Variants in SBK1 observed in about 807,000 individuals in gnomAD.
The protein encoded by SBK1 is serine/threonine-protein kinase SBK1.
In SBK1, 11 loss-of-function variants were observed where a neutral mutation model predicts 24.4. The observed-to-expected ratio is 0.45, with a 90% CI of 0.28 to 0.75. The LOEUF (loss-of-function observed/expected upper bound fraction) is 0.75. Among genes scored for constraint, SBK1 ranks in the 30% least tolerant of loss-of-function variants. The pLI is 0.12. For missense variants in SBK1, 467 were observed against 620.5 expected (o/e 0.75, Z 2.63); for synonymous variants, 308 against 284.4 (o/e 1.08, Z -0.83).
chr16:28,310,626 T>A (rs996307653), intron 1 of SBK1, among the ~76,000 whole-genome samples: 1 of 152,150 alleles, frequency 6.6e-6, no homozygotes, highest in Non-Finnish European at 1.5e-5. Flanking sequence ...GGAGGACTAC[T>A]TGAGGCCAAG....
chr16:28,263,310 T>C (rs2044408525), intron 1 of SBK1, among the ~76,000 whole-genome samples: 1 of 152,054 alleles, frequency 6.6e-6, no homozygotes, highest in Admixed American at 6.6e-5. Context: ...AGTGAACAAA[T>C]AAACAAATCG....
chr16:28,319,035 C>G lies in SBK1; in HGVS notation c.267C>G (p.Thr89=), dbSNP rs1481795043. 2 of 1,614,138 alleles carry G rather than the reference C, an allele frequency of 1.2e-6. No individual in the cohort carries two copies. The highest frequency in any genetic ancestry group is 2.2e-5 in the South Asian group (2 of 91,082). The stretch of plus-strand genomic sequence containing the variant: ...TGAAGTTTGTGAACAAGAGCAAAAC[C>G]AAGCTGAAGAACTTCCTACGGGAGG... ...MALKFVNKSK[T]KLKNFLREVS... is the part of the protein sequence containing the mutation. The change falls in exon 3 of 4, where the codon ACC becomes ACG. Residue 89 remains threonine, a synonymous_variant. Coordinates refer to ENST00000341901, the MANE Select transcript of SBK1 (RefSeq NM_001024401.3). This position sits in a 1 kb window ranked among gnomAD's most constrained non-coding sequence, Gnocchi z 4.0.
At chr16:28,292,381 G>T (rs866362590), upstream of SBK1, 1,735 of 236,532 alleles carry the variant, frequency 7.3e-3, 28 homozygotes, top group African/African-American at 0.035. Context: ...CGCGGCGGGA[G>T]GGCGGGCGCG....
intron 1 of SBK1, among the ~76,000 whole-genome samples, chr16:28,282,264 A>C (rs529961656): frequency 6.6e-6 from 1 of 152,184 alleles, no homozygotes; most frequent in South Asian, 2.1e-4. Flanking sequence ...GGAGTTGAGG[A>C]GTGCAAGATC....
rs1388229303 is a variant in SBK1, at chr16:28,322,420, G to C, written c.*1499G>C. The C allele has an allele frequency of 6.5e-6, 1 of 152,676 alleles. No individual in the cohort carries two copies. The highest frequency in any genetic ancestry group is 1.5e-5 in the Non-Finnish European group (1 of 68,078). 9.5% of individuals were successfully genotyped at this position (152,676 alleles called of 1,614,324 possible). ...ACATGGGTGAGGCTGTCCCTGTCAG[G>C]GTCCCCTGCCAGGGTCCCTCCTGGG... On this transcript the variant is annotated 3_prime_UTR_variant, in exon 4 of 4. Transcript: ENST00000341901.
rs34268182 is a variant in SBK1, at chr16:28,280,334, G to GTA, written c.257+20845_257+20846dup. Among the ~76,000 whole-genome samples the GTA allele has an allele frequency of 2.7e-3, 372 of 139,924 alleles. 1 individual carries two copies. Among genetic ancestry groups the GTA allele is most frequent in the African/African-American group, 3.2e-3 (119 of 37,574 alleles). 91.8% of individuals were successfully genotyped at this position (139,924 alleles called of 152,430 possible). On this transcript the variant is annotated intron_variant, in intron 1 of 3. Coordinates refer to the SBK1 transcript ENST00000671413. The stretch of plus-strand genomic sequence containing the variant: ...ATATAATATATATATACGTACATAT[G>GTA]TATATATATATATAAAATATATATA...
chr16:28,306,219 C>T (rs182834751), intron 1 of SBK1, among the ~76,000 whole-genome samples: 9 of 152,226 alleles, frequency 5.9e-5, no homozygotes, highest in South Asian at 2.1e-4. Flanking sequence ...ACAGCTGTGC[C>T]GCTGCTGTGG....
At chr16:28,283,035 C>T (rs532850724) in intron 1 of SBK1, among the ~76,000 whole-genome samples, 133 of 152,148 alleles carry the variant, frequency 8.7e-4, no homozygotes, top group Middle Eastern at 3.4e-3. Flanking sequence ...CGGGTTCAAG[C>T]GATTCTCCTG....
rs1257903980 is a variant in SBK1 at position 28,317,516 on chromosome 16, G to A, written c.125G>A (p.Arg42His). The change falls in exon 2 of 4, where the codon CGC (arginine) becomes CAC (histidine). Residue 42 changes from arginine (R) to histidine (H), a missense_variant. Arg to His is a conservative substitution (Grantham distance 29). Transcript: ENST00000341901. This position sits in a 1 kb window ranked among gnomAD's most constrained non-coding sequence, Gnocchi z 4.2. ...LTEDMQALTL[R>H]TLAASDVTKH... Reference sequence around the variant, plus strand: ...GAAGACATGCAGGCCCTGACTCTCCGCACACTGGCCGCCAGCGACGTCACC... The same window carrying A: ...GAAGACATGCAGGCCCTGACTCTCCACACACTGGCCGCCAGCGACGTCACC... 3 of 1,614,160 alleles carry A rather than the reference G, an allele frequency of 1.9e-6. No individual in the cohort carries two copies. Among genetic ancestry groups the A allele is most frequent in the East Asian group, 2.2e-5 (1 of 44,868 alleles).
intron 1 of SBK1, among the ~76,000 whole-genome samples, chr16:28,314,106 A>T (rs978488376): frequency 2.0e-5 from 3 of 151,692 alleles, no homozygotes; most frequent in African/African-American, 4.8e-5. Flanking sequence ...GCAAGAACGC[A>T]TCGGGAGAAG....
chr16:28,269,298 G>C (rs2044449303), intron 1 of SBK1, among the ~76,000 whole-genome samples: 1 of 151,460 alleles, frequency 6.6e-6, no homozygotes, highest in Admixed American at 6.6e-5. Context: ...GCCTCCCAAA[G>C]TGCTGGGATT....
intron 1 of SBK1, among the ~76,000 whole-genome samples, chr16:28,264,689 C>T (rs890875067): frequency 1.3e-5 from 2 of 152,036 alleles, no homozygotes; most frequent in African/African-American, 4.8e-5. Context: ...AGAAGAGGAG[C>T]CTCTCGGCTG....
intron 1 of SBK1, among the ~76,000 whole-genome samples, chr16:28,263,985 C>T (rs555995808): frequency 1.3e-5 from 2 of 152,092 alleles, no homozygotes; most frequent in South Asian, 2.1e-4. Flanking sequence ...TAAAATTAGC[C>T]AGGCATGGTG....
At chr16:28,294,257 A>G (rs1947799292) in intron 1 of SBK1, among the ~76,000 whole-genome samples, 1 of 152,096 alleles carries the variant, frequency 6.6e-6, no homozygotes. Context: ...TGTACCCTGA[A>G]ATCCTGAATC....
rs1311616328 is a variant in SBK1, at chr16:28,317,736, G to A, written c.226+119G>A. On this transcript the variant is annotated intron_variant, in intron 2 of 3. Transcript: ENST00000341901. The surrounding 1 kb of genome is among the most constrained non-coding windows in gnomAD (Gnocchi z 4.2). ...GCTCTCTGGTGCTCTGTGGAAGCCAGGAGGCAGGGTCAGGGGCCAGATGTA... is the reference window on the plus strand; with the variant it reads ...GCTCTCTGGTGCTCTGTGGAAGCCAAGAGGCAGGGTCAGGGGCCAGATGTA... The A allele has an allele frequency of 1.6e-5, 12 of 729,896 alleles. No individual in the cohort carries two copies. Among genetic ancestry groups the A allele is most frequent in the Non-Finnish European group, 2.6e-5 (11 of 417,162 alleles). The allele number at this position is 729,896 out of a possible 1,614,324, so 45.2% of individuals were successfully genotyped here.
At chr16:28,261,325 T>C (rs2141555838) in intron 1 of SBK1, among the ~76,000 whole-genome samples, 1 of 152,104 alleles carries the variant, frequency 6.6e-6, no homozygotes, top group South Asian at 2.1e-4. Flanking sequence ...CGGGGTGTGG[T>C]GGTTCACACC....
intron 1 of SBK1, among the ~76,000 whole-genome samples, chr16:28,309,877 T>C (rs2044742693): frequency 1.3e-5 from 2 of 152,210 alleles, no homozygotes; most frequent in Admixed American, 6.5e-5. Context: ...TGCATGTGTG[T>C]CTGTGTGGAT....
chr16:28,320,119 T>C lies in SBK1; in HGVS notation c.473T>C (p.Leu158Pro). ...ACGGTGAAGCGCTGTGTGCAGCAGC[T>C]GGGCCTGGCGCTGGACTTCATGCAC... ...EDTVKRCVQQLGLALDFMHGR... is the reference protein window; with the variant it reads ...EDTVKRCVQQPGLALDFMHGR... Residue 158 changes from leucine to proline, a missense_variant, in exon 4 of 4, where the codon CTG becomes CCG. This residue lies in a region of SBK1 where 92 missense variants were observed against 193.8 expected (regional missense o/e 0.47). Coordinates refer to ENST00000341901, the MANE Select transcript of SBK1 (RefSeq NM_001024401.3). The surrounding 1 kb of genome is among the most constrained non-coding windows in gnomAD (Gnocchi z 8.5). 1 of 1,568,980 alleles carries C rather than the reference T, an allele frequency of 6.4e-7. No individual in the cohort carries two copies. The highest frequency in any genetic ancestry group is 8.6e-7 in the Non-Finnish European group (1 of 1,162,802).
chr16:28,306,104 T>C (rs893406511), intron 1 of SBK1, among the ~76,000 whole-genome samples: 4 of 151,932 alleles, frequency 2.6e-5, no homozygotes, highest in African/African-American at 9.7e-5. Flanking sequence ...TGTTCAGAGA[T>C]GAACAAGTAA....
Sources: allele counts gnomAD v4.1 joint callset (sites outside exome capture counted in the v4.1 genomes callset), GRCh38; gene constraint gnomAD v4.1.1; regional missense constraint gnomAD v4.1.1; non-coding constraint Gnocchi (gnomAD v3.1); transcripts MANE v1.5; gene names NCBI Gene and HGNC (gene_info 2026-07-23, HGNC 2026-07-21).